GRM5: variants seen among roughly 807,000 people sequenced by gnomAD.
The protein encoded by GRM5 is glutamate metabotropic receptor 5.
In GRM5, 19 loss-of-function variants were observed where a neutral mutation model predicts 83.1. The observed-to-expected ratio is 0.23, with a 90% CI of 0.16 to 0.34. The LOEUF is 0.34. Among genes scored for constraint, GRM5 ranks in the 10% least tolerant of loss-of-function variants. The pLI is 1.00. For missense variants in GRM5, 1,160 were observed against 1,588.3 expected (o/e 0.73, Z 4.58); for synonymous variants, 675 against 633.6 (o/e 1.07, Z -0.98).
chr11:88,704,184 T>C (rs1499027), intron 3 of GRM5, among the ~76,000 whole-genome samples: 119,922 of 151,814 alleles, frequency 0.79, 50,956 homozygotes, highest in Non-Finnish European at 0.96. Context: ...TAATCCTCTT[T>C]ATCTTCCAAA....
chr11:88,601,882 G>A (rs1288488720), intron 5 of GRM5, among the ~76,000 whole-genome samples: 1 of 152,066 alleles, frequency 6.6e-6, no homozygotes, highest in Non-Finnish European at 1.5e-5. Flanking sequence ...TGTACAAGCA[G>A]CTATAGCACC....
chr11:88,867,504 G>A (rs1013160658), intron 2 of GRM5, among the ~76,000 whole-genome samples: 1 of 151,642 alleles, frequency 6.6e-6, no homozygotes, highest in African/African-American at 2.4e-5. Context: ...TTAGTGTCAT[G>A]TCAGAGCACT....
chr11:88,867,099 G>C (rs771321429), intron 2 of GRM5, among the ~76,000 whole-genome samples: 18 of 152,038 alleles, frequency 1.2e-4, no homozygotes, highest in African/African-American at 4.3e-4. Flanking sequence ...CGCTGTTTTG[G>C]TTACTGTAGC....
chr11:88,853,482 G>T (rs879688735), intron 2 of GRM5, among the ~76,000 whole-genome samples: 1 of 151,826 alleles, frequency 6.6e-6, no homozygotes, highest in East Asian at 1.9e-4. Flanking sequence ...ATAATCAGGA[G>T]GCAGCTAATG....
At chr11:88,764,854 T>C (rs963021279) in intron 3 of GRM5, among the ~76,000 whole-genome samples, 6 of 151,474 alleles carry the variant, frequency 4.0e-5, no homozygotes, top group African/African-American at 7.3e-5. Context: ...TTAGAGCACA[T>C]ATAACTTAAA....
chr11:88,746,977 A>G (rs1942158429), intron 3 of GRM5, among the ~76,000 whole-genome samples: 1 of 152,092 alleles, frequency 6.6e-6, no homozygotes, highest in Admixed American at 6.6e-5. Context: ...ATTTTTAAAA[A>G]TGTCATATAT....
At chr11:88,645,191 T>C (rs1177169944) in intron 4 of GRM5, among the ~76,000 whole-genome samples, 1 of 152,064 alleles carries the variant, frequency 6.6e-6, no homozygotes, top group Non-Finnish European at 1.5e-5. Context: ...ATAGAGATGG[T>C]TGTGTGAGTA....
At chr11:88,860,797 T>C (rs1352185789) in intron 2 of GRM5, among the ~76,000 whole-genome samples, 1 of 152,180 alleles carries the variant, frequency 6.6e-6, no homozygotes, top group Non-Finnish European at 1.5e-5. Context: ...GGCTGCACTG[T>C]CATTGTTGCC....
chr11:88,860,818 C>G (rs1287477448), intron 2 of GRM5, among the ~76,000 whole-genome samples: 14 of 152,080 alleles, frequency 9.2e-5, no homozygotes, highest in Non-Finnish European at 1.5e-5. Flanking sequence ...AAATTTTGAG[C>G]CTCATTTAAG....
intron 2 of GRM5, among the ~76,000 whole-genome samples, chr11:88,868,999 C>T (rs985499180): frequency 2.0e-5 from 3 of 151,738 alleles, no homozygotes; most frequent in African/African-American, 7.2e-5. Context: ...GCACTAATGT[C>T]TGCTGTTTTC....
intron 2 of GRM5, among the ~76,000 whole-genome samples, chr11:88,885,713 G>T (rs1233464959): frequency 1.3e-5 from 2 of 151,946 alleles, no homozygotes; most frequent in African/African-American, 4.8e-5. Flanking sequence ...AAGTTAAAAA[G>T]AAATCACTTA....
intron 2 of GRM5, among the ~76,000 whole-genome samples, chr11:88,888,232 T>C (rs1945078044): frequency 6.6e-6 from 1 of 152,194 alleles, no homozygotes; most frequent in Admixed American, 6.5e-5. Context: ...TTAACTCAGG[T>C]ATTTGACCTC....
At chr11:89,015,452 TG>T (rs1407642754) in intron 2 of GRM5, among the ~76,000 whole-genome samples, 2 of 152,162 alleles carry the variant, frequency 1.3e-5, no homozygotes, top group African/African-American at 4.8e-5. Flanking sequence ...AATCAATGGG[TG>T]TCTGTTGGCA....
chr11:88,522,565 T>A (rs1269782037), intron 9 of GRM5, among the ~76,000 whole-genome samples: 2 of 135,580 alleles, frequency 1.5e-5, no homozygotes, highest in Non-Finnish European at 1.7e-5. Context: ...ATGGCAGGTC[T>A]CTCTTCTCTC....
chr11:89,039,268 A>G (rs996392868), intron 2 of GRM5, among the ~76,000 whole-genome samples: 1 of 80,266 alleles, frequency 1.2e-5, no homozygotes, highest in Non-Finnish European at 2.5e-5. Context: ...CCGTTTCAAA[A>G]TAAAAAAAAA....
At chr11:88,571,674 T>C (rs1943004601) in intron 7 of GRM5, among the ~76,000 whole-genome samples, 1 of 152,196 alleles carries the variant, frequency 6.6e-6, no homozygotes, top group African/African-American at 2.4e-5. Flanking sequence ...TTTGGTGCAA[T>C]TTAACCTTAG....
intron 3 of GRM5, among the ~76,000 whole-genome samples, chr11:88,751,203 C>T (rs986944559): frequency 1.3e-5 from 2 of 150,788 alleles, no homozygotes; most frequent in African/African-American, 4.9e-5. Context: ...TAAAACAGAC[C>T]ACTAGCTAGA....
chr11:88,603,406 C>T (rs1591375590), intron 5 of GRM5, among the ~76,000 whole-genome samples: 1 of 152,160 alleles, frequency 6.6e-6, no homozygotes, highest in Non-Finnish European at 1.5e-5. Context: ...AATTCCTGTG[C>T]AGGTATCTGA....
intron 3 of GRM5, among the ~76,000 whole-genome samples, chr11:88,833,429 T>C (rs1352201271): frequency 6.6e-6 from 1 of 151,926 alleles, no homozygotes; most frequent in Non-Finnish European, 1.5e-5. Context: ...AAAACCACAG[T>C]GAGGTATCAT....
Sources: allele counts gnomAD v4.1 joint callset (sites outside exome capture counted in the v4.1 genomes callset), GRCh38; gene constraint gnomAD v4.1.1; transcripts MANE v1.5; gene names NCBI Gene and HGNC (gene_info 2026-07-23, HGNC 2026-07-21).